Variants in RTEL1 observed in about 807,000 individuals in gnomAD.
RTEL1 encodes regulator of telomere length.
A neutral mutation model predicts 162.2 loss-of-function variants in RTEL1; 86 were observed. That is an observed-to-expected ratio of 0.53 (90% confidence interval 0.45 to 0.63). The LOEUF is 0.63. Among genes scored for constraint, RTEL1 ranks in the 30% least tolerant of loss-of-function variants. The pLI is 0.00. For synonymous variants in RTEL1, 958 were observed against 717.9 expected (o/e 1.33, Z -5.35); for missense variants, 1,941 against 1,750.2 (o/e 1.11, Z -1.95).
In RTEL1 at chr20:63,659,362, C is replaced by T; in HGVS notation, c.-41C>T. 1 of 1,459,304 alleles carries T rather than the reference C, an allele frequency of 6.9e-7. No homozygotes were observed. The highest frequency in any genetic ancestry group is 9.6e-7 in the Non-Finnish European group (1 of 1,039,294). The allele number at this position is 1,459,304 out of a possible 1,614,324, so 90.4% of individuals were successfully genotyped here. The stretch of plus-strand genomic sequence containing the variant: ...TTTTCGCACAGACCCGAATAGCCTG[C>T]CCCTCAGCCACGCTCTGTGCCCTTC... On this transcript the variant is annotated 5_prime_UTR_variant, in exon 2 of 35. Coordinates refer to ENST00000360203, the MANE Select transcript of RTEL1 (RefSeq NM_001283009.2).
chr20:63,662,992 G>A, intron 6 of RTEL1, 103 bp downstream of exon 6: 11 of 1,089,504 alleles, frequency 1.0e-5, no homozygotes, highest in South Asian at 5.0e-5. Flanking sequence ...CCGGTGGGGC[G>A]GCCAGTGCGG....
rs1230042093 is a variant in RTEL1, at chr20:63,695,644, C to T, written c.3816C>T (p.His1272=). 3 of 1,611,198 alleles carry T rather than the reference C, an allele frequency of 1.9e-6. No individual in the cohort carries two copies. The highest frequency in any genetic ancestry group is 2.2e-5 in the East Asian group (1 of 44,890). The part of the protein sequence containing the change: ...FQRCQACWQR[H]LQASRMCPAC... Reference sequence around the variant, plus strand: ...GCTGCCAAGCCTGCTGGCAACGGCACCTTCAGGTTGGTGCCTGGCCACTAC... The same window carrying T: ...GCTGCCAAGCCTGCTGGCAACGGCATCTTCAGGTTGGTGCCTGGCCACTAC... Residue 1272 remains histidine, a synonymous_variant, in exon 34 of 35, where the codon CAC becomes CAT. Coordinates refer to ENST00000360203, the MANE Select transcript of RTEL1 (RefSeq NM_001283009.2).
chr20:63,673,615 T>A (rs2090289205), intron 9 of RTEL1, among the ~76,000 whole-genome samples: 1 of 151,984 alleles, frequency 6.6e-6, no homozygotes, highest in Admixed American at 6.5e-5. Flanking sequence ...ATTTTTGTAT[T>A]TTTTGTAGAG....
intron 14 of RTEL1, among the ~76,000 whole-genome samples, chr20:63,685,270 G>A (rs1232912102): frequency 6.6e-6 from 1 of 152,062 alleles, no homozygotes; most frequent in African/African-American, 2.4e-5. Context: ...GAGGCCCCTC[G>A]GGCTGCCGCA....
chr20:63,662,002 T>G, intron 4 of RTEL1, 59 bp downstream of exon 4: 3 of 1,279,852 alleles, frequency 2.3e-6, no homozygotes, highest in Non-Finnish European at 2.3e-6. Context: ...CTTGGCATGG[T>G]GCTGAGTCCA....
At chr20:63,664,569 A>T (rs931951960) in intron 6 of RTEL1, among the ~76,000 whole-genome samples, 3 of 152,126 alleles carry the variant, frequency 2.0e-5, no homozygotes, top group African/African-American at 4.8e-5. Flanking sequence ...GTGGACTCAG[A>T]CCAGGAAGAC....
At chr20:63,679,973 G>A (rs749227105) in intron 13 of RTEL1, 27 bp downstream of exon 13, 6 of 1,556,402 alleles carry the variant, frequency 3.9e-6, no homozygotes, top group African/African-American at 1.4e-5. Flanking sequence ...GGTCTTTGGT[G>A]CGGGCAAATG....
chr20:63,687,587 C>T (rs751769071), intron 16 of RTEL1, 51 bp from the exon 17 acceptor site: 6 of 1,542,532 alleles, frequency 3.9e-6, no homozygotes, highest in Middle Eastern at 4.7e-4. Flanking sequence ...GTGGTCAGGC[C>T]CCCAGTCCCG....
rs1005179233 is a variant in RTEL1, at chr20:63,688,278, G to A, written c.1637-23G>A. ...CCTGCAGACATCCTGCCCCTGCCTTGACCCCGGCCCCTGCACTTCCAGGCA... is the reference window on the plus strand; with the variant it reads ...CCTGCAGACATCCTGCCCCTGCCTTAACCCCGGCCCCTGCACTTCCAGGCA... On this transcript the variant is annotated intron_variant, in intron 19 of 34. Coordinates refer to ENST00000360203, the MANE Select transcript of RTEL1 (RefSeq NM_001283009.2). 3 of 1,610,750 alleles carry A rather than the reference G, an allele frequency of 1.9e-6. No homozygotes were observed. The African/African-American group carries it at 4.0e-5, about 22-fold the overall frequency.
intron 23 of RTEL1, 40 bp downstream of exon 23, chr20:63,689,688 G>A: frequency 6.2e-7 from 1 of 1,605,050 alleles, no homozygotes; most frequent in Non-Finnish European, 8.5e-7. Flanking sequence ...AGGCGGTCTG[G>A]TGACTGAGCC....
chr20:63,664,356 C>A (rs970896208), intron 6 of RTEL1, among the ~76,000 whole-genome samples: 1 of 152,312 alleles, frequency 6.6e-6, no homozygotes, highest in African/African-American at 2.4e-5. Context: ...TGAGCATGGG[C>A]CTGGCCGGCC....
chr20:63,678,385 G>T, intron 12 of RTEL1, 39 bp downstream of exon 12: 1 of 1,576,802 alleles, frequency 6.3e-7, no homozygotes. Flanking sequence ...TGCAGGCCCA[G>T]CCTAGAGCTA....
rs1478256181 is a variant in RTEL1 at position 63,661,254 on chromosome 20, C to T, written c.103-44C>T. 3.2e-6 allele frequency: 5 copies of T among 1,582,918 alleles called. No homozygotes were observed. Among genetic ancestry groups the T allele is most frequent in the Non-Finnish European group, 4.3e-6 (5 of 1,157,400 alleles). On this transcript the variant is annotated intron_variant, in intron 2 of 34. Transcript: ENST00000360203. This position sits in a 1 kb window ranked among gnomAD's most constrained non-coding sequence, Gnocchi z 5.1. ...CTCAGGGCAGCTTGTGTGGCCTCGCCTCTTCCTGGCTTCCCCGTAACCCTT... is the reference window on the plus strand; with the variant it reads ...CTCAGGGCAGCTTGTGTGGCCTCGCTTCTTCCTGGCTTCCCCGTAACCCTT...
chr20:63,689,918 C>T (rs1437057133), intron 24 of RTEL1, 53 bp downstream of exon 24: 5 of 1,558,338 alleles, frequency 3.2e-6, no homozygotes, highest in Non-Finnish European at 3.5e-6. Context: ...CCACACCCCA[C>T]TGGGCCCCTG....
intron 28 of RTEL1, 33 bp from the exon 29 acceptor site, chr20:63,692,772 G>C (rs1442888564): frequency 6.3e-7 from 1 of 1,594,998 alleles, no homozygotes. Flanking sequence ...GATGAGGCTG[G>C]CCCTGATGGA....
intron 7 of RTEL1, among the ~76,000 whole-genome samples, chr20:63,666,344 C>T (rs960188233): frequency 3.3e-5 from 5 of 152,240 alleles, no homozygotes; most frequent in African/African-American, 1.2e-4. Flanking sequence ...TGCGGAAGCA[C>T]GCGCAGTTTT....
chr20:63,695,314 G>T lies in RTEL1; in HGVS notation c.3500-14G>T. The T allele has an allele frequency of 6.4e-7, 1 of 1,573,574 alleles. No individual in the cohort carries two copies. Among genetic ancestry groups the T allele is most frequent in the Non-Finnish European group, 8.6e-7 (1 of 1,159,296 alleles). On this transcript the variant is annotated splice_polypyrimidine_tract_variant and intron_variant, in intron 33 of 34. Transcript: ENST00000360203. ...AGCCCCAGGCCCCCCTCAGACTCAAGTCTCTGTCTCCAGGCCCCTCACGGT... is the reference window on the plus strand; with the variant it reads ...AGCCCCAGGCCCCCCTCAGACTCAATTCTCTGTCTCCAGGCCCCTCACGGT...
chr20:63,689,587 G>T lies in RTEL1; in HGVS notation c.1964G>T (p.Arg655Leu). 6.2e-7 allele frequency: 1 copy of T among 1,612,386 alleles called. No homozygotes were observed. Among genetic ancestry groups the T allele is most frequent in the Non-Finnish European group, 8.5e-7 (1 of 1,179,780 alleles). ...GLPYPPRMDPRVVLKMQFLDE... is the reference protein window; with the variant it reads ...GLPYPPRMDPLVVLKMQFLDE... ...CCGTACCCCCCACGCATGGACCCCC[G>T]GGTTGTCCTCAAGATGCAGTTCCTG... The change falls in exon 23 of 35, where the codon CGG (arginine) becomes CTG (leucine). Residue 655 changes from arginine (R) to leucine (L), a missense_variant. Arg to Leu is a moderately radical substitution (Grantham distance 102). Transcript: ENST00000360203.
At chr20:63,692,217 A>G (rs2090764460) in intron 28 of RTEL1, 2 of 216,706 alleles carry the variant, frequency 9.2e-6, no homozygotes, top group South Asian at 7.1e-5. Flanking sequence ...CTGCTGGAAA[A>G]CCCCAAGTGT....
Sources: allele counts gnomAD v4.1 joint callset (sites outside exome capture counted in the v4.1 genomes callset), GRCh38; gene constraint gnomAD v4.1.1; non-coding constraint Gnocchi (gnomAD v3.1); transcripts MANE v1.5; gene names NCBI Gene and HGNC (gene_info 2026-07-23, HGNC 2026-07-21).